Variants in AOAH observed in about 807,000 individuals in gnomAD.
AOAH encodes acyloxyacyl hydrolase.
In AOAH, 64 loss-of-function variants were observed where a neutral mutation model predicts 92.2. The observed-to-expected ratio is 0.69, with a 90% CI of 0.57 to 0.86. AOAH has a LOEUF of 0.86. Among genes scored for constraint, AOAH ranks in the 40% least tolerant of loss-of-function variants. The pLI, the probability that AOAH is intolerant of heterozygous loss-of-function variation, is 0.00. For missense variants in AOAH, 656 were observed against 694.6 expected, an observed-to-expected ratio of 0.94 and a Z score of 0.62; for synonymous variants, 263 against 254.5, an observed-to-expected ratio of 1.03 and a Z score of -0.32.
At chr7:36,536,636 C>T (rs1785074478) in intron 16 of AOAH, among the ~76,000 whole-genome samples, 1 of 152,126 alleles carries the variant, frequency 6.6e-6, no homozygotes, top group Non-Finnish European at 1.5e-5. Context: ...GCATCTATCT[C>T]CCAGGGTTGT....
chr7:36,577,918 C>T (rs1583861949), intron 12 of AOAH, among the ~76,000 whole-genome samples: 1 of 152,160 alleles, frequency 6.6e-6, no homozygotes, highest in East Asian at 1.9e-4. Flanking sequence ...TGAAAGCTTA[C>T]TAATTGTATT....
intron 3 of AOAH, among the ~76,000 whole-genome samples, chr7:36,659,903 CA>C (rs1354738572): frequency 6.6e-6 from 1 of 152,004 alleles, no homozygotes; most frequent in Non-Finnish European, 1.5e-5. Context: ...AGAAAAACTA[CA>C]AAGAAGTAAA....
intron 6 of AOAH, among the ~76,000 whole-genome samples, chr7:36,630,298 C>T (rs1176730548): frequency 2.6e-5 from 4 of 152,246 alleles, no homozygotes; most frequent in East Asian, 3.8e-4. Context: ...TCCAGGTGTG[C>T]AGCCTAACTC....
intron 1 of AOAH, among the ~76,000 whole-genome samples, 165 bp downstream of exon 1, chr7:36,723,857 T>A (rs112731386): frequency 6.6e-5 from 10 of 152,338 alleles, no homozygotes; most frequent in African/African-American, 2.4e-4. Flanking sequence ...AGTGTCAATG[T>A]CTACTCTTAG....
intron 10 of AOAH, 118 bp from the exon 11 acceptor site, chr7:36,616,592 G>T: frequency 1.3e-6 from 1 of 774,338 alleles, no homozygotes. Context: ...CATTTTCACA[G>T]TAATGCATTA....
At position 36,633,922 on chromosome 7, in the gene AOAH, AC is replaced by A. The variant is rs1224171025; in HGVS notation, c.451-1817del. On this transcript the variant is annotated intron_variant, in intron 5 of 20. Transcript: ENST00000617537. ...TGCTGGGCAGCATCTCTGGCCTGTG[AC>A]CCCCAGATGCCCGCCGCACAAATCT... is the stretch of plus-strand genomic sequence containing the variant. Among the ~76,000 whole-genome samples, 5 of 152,026 alleles carry A rather than the reference AC, an allele frequency of 3.3e-5. No homozygotes were observed. In the East Asian group the frequency reaches 9.7e-4, roughly 30 times the overall value.
At chr7:36,640,513 GC>G (rs546094172) in intron 4 of AOAH, among the ~76,000 whole-genome samples, 8 of 152,300 alleles carry the variant, frequency 5.3e-5, no homozygotes, top group Admixed American at 5.2e-4. Flanking sequence ...GGCTTAGCCA[GC>G]ACAGACAGAG....
chr7:36,632,493 G>T (rs928212834), intron 5 of AOAH, among the ~76,000 whole-genome samples: 2 of 152,216 alleles, frequency 1.3e-5, no homozygotes, highest in African/African-American at 4.8e-5. Flanking sequence ...ACTAAAGGGA[G>T]AGACCAATCT....
At chr7:36,690,067 C>A in intron 1 of AOAH, 1 of 391,646 alleles carries the variant, frequency 2.6e-6, no homozygotes. Context: ...AATGGGGCAG[C>A]TTGAAACCAG....
At chr7:36,691,014 A>G (rs1797365441) in intron 1 of AOAH, among the ~76,000 whole-genome samples, 1 of 152,206 alleles carries the variant, frequency 6.6e-6, no homozygotes, top group Non-Finnish European at 1.5e-5. Flanking sequence ...TCTGAAACCC[A>G]CACTTTGCTG....
chr7:36,565,365 C>T (rs1406740784), intron 13 of AOAH, among the ~76,000 whole-genome samples: 1 of 152,180 alleles, frequency 6.6e-6, no homozygotes. Flanking sequence ...TTACTGAGTG[C>T]CTGCTTGAGC....
intron 1 of AOAH, among the ~76,000 whole-genome samples, chr7:36,715,185 C>T (rs1313299545): frequency 6.6e-6 from 1 of 152,086 alleles, no homozygotes; most frequent in African/African-American, 2.4e-5. Context: ...ACACCAATAA[C>T]AGACAGAGAG....
At chr7:36,547,685 A>T (rs1000775266) in intron 15 of AOAH, among the ~76,000 whole-genome samples, 4 of 151,972 alleles carry the variant, frequency 2.6e-5, no homozygotes, top group African/African-American at 9.7e-5. Flanking sequence ...TTTTGGCCAC[A>T]ATCACAGGAC....
chr7:36,704,218 A>G (rs373177544), intron 1 of AOAH, among the ~76,000 whole-genome samples: 2 of 151,614 alleles, frequency 1.3e-5, no homozygotes, highest in East Asian at 3.9e-4. Flanking sequence ...TTTCTTGTAC[A>G]TTTGTTTAAG....
chr7:36,710,001 A>T (rs1380146633), intron 1 of AOAH, among the ~76,000 whole-genome samples: 1 of 152,118 alleles, frequency 6.6e-6, no homozygotes, highest in African/African-American at 2.4e-5. Context: ...CTCTCTTGTG[A>T]TATTATCTGG....
intron 1 of AOAH, among the ~76,000 whole-genome samples, chr7:36,702,300 T>C (rs1584151017): frequency 6.6e-6 from 1 of 152,324 alleles, no homozygotes; most frequent in East Asian, 1.9e-4. Context: ...GTGGTGTTAT[T>C]TTCCTTCTGT....
At chr7:36,574,191 A>ATG (rs1011855315) in intron 13 of AOAH, among the ~76,000 whole-genome samples, 4 of 152,246 alleles carry the variant, frequency 2.6e-5, no homozygotes, top group Non-Finnish European at 5.9e-5. Flanking sequence ...GAGGATAGTA[A>ATG]TACTAGACAA....
rs2116777966 is a variant in AOAH, at chr7:36,686,806, GAGA to G, written c.128-15_128-13del. ...CACCAGCACACACCCTGCCAGGGAGGAGAAGAACATGTAATCTGTGTCACACAG... is the reference window on the plus strand; with the variant it reads ...CACCAGCACACACCCTGCCAGGGAGGAGAACATGTAATCTGTGTCACACAG... On this transcript the variant is annotated splice_polypyrimidine_tract_variant and intron_variant, in intron 1 of 20. Coordinates refer to ENST00000617537, the MANE Select transcript of AOAH (RefSeq NM_001637.4). 6.6e-7 allele frequency: 1 copy of G among 1,519,714 alleles called. No individual in the cohort carries two copies. Among genetic ancestry groups the G allele is most frequent in the Non-Finnish European group, 8.8e-7 (1 of 1,130,900 alleles). The allele number at this position is 1,519,714 out of a possible 1,614,324, so 94.1% of individuals were successfully genotyped here. A position where few individuals can be genotyped will look rare whatever the true frequency, so the allele number is the denominator to read the frequency against.
At chr7:36,550,030 A>G (rs939371146) in intron 13 of AOAH, 1 of 152,568 alleles carries the variant, frequency 6.6e-6, no homozygotes, top group African/African-American at 2.4e-5. Context: ...TCCTGCCCCA[A>G]TCCCCGTTAC....
Sources: allele counts gnomAD v4.1 joint callset (sites outside exome capture counted in the v4.1 genomes callset), GRCh38; gene constraint gnomAD v4.1.1; transcripts MANE v1.5; gene names NCBI Gene and HGNC (gene_info 2026-07-23, HGNC 2026-07-21).